The following P4HA1 variants were observed in gnomAD, a reference collection of about 807,000 sequenced individuals.
The protein encoded by P4HA1 is prolyl 4-hydroxylase subunit alpha 1.
Under a neutral mutation model 72.8 loss-of-function variants are expected in P4HA1, and 24 were observed. The ratio of observed to expected loss-of-function variants is 0.33; its 90% CI spans 0.24 to 0.46. The LOEUF is 0.46. Ranked by LOEUF, P4HA1 falls within the 20% of genes least tolerant of loss-of-function variation. The pLI is 1.00. For synonymous variants in P4HA1, 201 were observed against 218.8 expected (o/e 0.92, Z 0.72); for missense variants, 446 against 640.6 (o/e 0.70, Z 3.28).
At chr10:73,087,728 G>A (rs780676078) in intron 1 of P4HA1, among the ~76,000 whole-genome samples, 2 of 151,740 alleles carry the variant, frequency 1.3e-5, no homozygotes, top group Non-Finnish European at 2.9e-5. Context: ...GGATTTTCAA[G>A]CAATCCTCCA....
chr10:73,079,693 G>C (rs1393096457), intron 1 of P4HA1, among the ~76,000 whole-genome samples: 1 of 152,116 alleles, frequency 6.6e-6, no homozygotes, highest in African/African-American at 2.4e-5. Flanking sequence ...TGTGGGCTGA[G>C]ATCTCGCCAT....
At chr10:73,069,051 T>C (rs543015687) in intron 4 of P4HA1, 68 bp from the exon 5 acceptor site, 3 of 1,179,378 alleles carry the variant, frequency 2.5e-6, no homozygotes, top group Admixed American at 2.1e-5. Context: ...AGAGACTTAA[T>C]AAGGATTGTT....
At chr10:73,063,324 G>A (rs1841352191) in intron 5 of P4HA1, among the ~76,000 whole-genome samples, 1 of 152,160 alleles carries the variant, frequency 6.6e-6, no homozygotes, top group African/African-American at 2.4e-5. Context: ...GTCCTCACAT[G>A]GTGAAGGCTG....
At chr10:73,056,120 T>A (rs939324194) in intron 5 of P4HA1, among the ~76,000 whole-genome samples, 1 of 152,188 alleles carries the variant, frequency 6.6e-6, no homozygotes, top group East Asian at 1.9e-4. Context: ...AGTTATTTCA[T>A]TGAGATTTAG....
At chr10:73,035,029 T>G (rs556280420) in intron 9 of P4HA1, among the ~76,000 whole-genome samples, 1 of 152,216 alleles carries the variant, frequency 6.6e-6, no homozygotes, top group Non-Finnish European at 1.5e-5. Flanking sequence ...CTTCTAACCT[T>G]GGGCTATAGT....
At chr10:73,050,855 C>A (rs1384184093) in intron 7 of P4HA1, among the ~76,000 whole-genome samples, 198 bp downstream of exon 7, 1 of 152,116 alleles carries the variant, frequency 6.6e-6, no homozygotes, top group Non-Finnish European at 1.5e-5. Context: ...CAAGTGTACA[C>A]CAGCATGCCC....
chr10:73,053,414 C>T lies in P4HA1; in HGVS notation c.640G>A (p.Ala214Thr), dbSNP rs1395153810. ...TCCAGGTCTCCCTGCTGATATACCG[C>T]ATAGCTCAAATAATCTAGAACAGAG... ...KVSVLDYLSYAVYQQGDLDKA... is the reference protein window; with the variant it reads ...KVSVLDYLSYTVYQQGDLDKA... The change falls in exon 6 of 15, where the codon GCG (alanine) becomes ACG (threonine). Residue 214 changes from alanine (A) to threonine (T), a missense_variant. Ala to Thr is a moderately conservative substitution (Grantham distance 58). Coordinates refer to ENST00000394890, the MANE Select transcript of P4HA1 (RefSeq NM_001017962.3). 6.2e-7 allele frequency: 1 copy of T among 1,614,032 alleles called. No homozygotes were observed. Among genetic ancestry groups the T allele is most frequent in the South Asian group, 1.1e-5 (1 of 91,078 alleles).
intron 13 of P4HA1, 118 bp downstream of exon 13, chr10:73,010,851 A>C: frequency 1.4e-6 from 1 of 704,148 alleles, no homozygotes; most frequent in South Asian, 1.9e-5. Context: ...GAGCGAGAAC[A>C]GGTCTCAAAA....
chr10:73,049,896 G>T (rs747529884), intron 7 of P4HA1, among the ~76,000 whole-genome samples: 2 of 152,180 alleles, frequency 1.3e-5, no homozygotes, highest in Admixed American at 6.5e-5. Context: ...GAGTGTGGTG[G>T]CTGACGCCTG....
chr10:73,026,257 G>C (rs1336335759), intron 10 of P4HA1, among the ~76,000 whole-genome samples: 1 of 152,066 alleles, frequency 6.6e-6, no homozygotes, highest in Non-Finnish European at 1.5e-5. Context: ...CCAAAACAGA[G>C]ACATAGACCA....
chr10:73,087,823 G>T (rs1424526322), intron 1 of P4HA1, among the ~76,000 whole-genome samples: 4 of 151,962 alleles, frequency 2.6e-5, no homozygotes, highest in African/African-American at 9.7e-5. Flanking sequence ...TTTTTTGTCA[G>T]ATATGTGATG....
intron 2 of P4HA1, chr10:73,074,059 A>C (rs1046127804): frequency 6.0e-6 from 3 of 502,456 alleles, no homozygotes; most frequent in African/African-American, 5.8e-5. Context: ...CAAGCTTTAG[A>C]CTGTGCTAGC....
At chr10:73,023,705 T>C (rs1840191426) in intron 10 of P4HA1, among the ~76,000 whole-genome samples, 3 of 151,368 alleles carry the variant, frequency 2.0e-5, no homozygotes, top group Admixed American at 6.6e-5. Flanking sequence ...GACTGGCAAA[T>C]TGGATAAAGA....
intron 11 of P4HA1, among the ~76,000 whole-genome samples, chr10:73,015,796 T>C (rs1839997532): frequency 6.6e-6 from 1 of 152,124 alleles, no homozygotes; most frequent in Non-Finnish European, 1.5e-5. Context: ...GTTTGCCTTT[T>C]GGAACACCCT....
At chr10:73,089,019 A>G (rs1056469150) in intron 1 of P4HA1, among the ~76,000 whole-genome samples, 1 of 152,196 alleles carries the variant, frequency 6.6e-6, no homozygotes, top group African/African-American at 2.4e-5. Context: ...ATTAATTTCT[A>G]TAAGAAATCC....
rs140260893 is a variant in P4HA1 at position 73,095,505 on chromosome 10, G to T, written c.-33+1261C>A. Among the ~76,000 whole-genome samples, 4 of 146,530 alleles carry T rather than the reference G, an allele frequency of 2.7e-5. No individual in the cohort carries two copies. The East Asian group carries it at 8.0e-4, about 29-fold the overall frequency. ...CGTCTAAACCTAAAAGGGGAAATACGTTTCTAACCAGAACTTTAAAAAAAA... is the reference window on the plus strand; with the variant it reads ...CGTCTAAACCTAAAAGGGGAAATACTTTTCTAACCAGAACTTTAAAAAAAA... On this transcript the variant is annotated intron_variant, in intron 1 of 14. Coordinates refer to ENST00000394890, the MANE Select transcript of P4HA1 (RefSeq NM_001017962.3).
intron 1 of P4HA1, among the ~76,000 whole-genome samples, chr10:73,084,331 T>G (rs1841882456): frequency 6.6e-6 from 1 of 150,880 alleles, no homozygotes; most frequent in Non-Finnish European, 1.5e-5. Flanking sequence ...CTGGCTTTGT[T>G]GCCCAGTCTG....
intron 1 of P4HA1, among the ~76,000 whole-genome samples, chr10:73,081,276 A>T (rs930521933): frequency 5.9e-5 from 9 of 152,264 alleles, no homozygotes; most frequent in Non-Finnish European, 1.2e-4. Flanking sequence ...AAACCCAAGA[A>T]GAGTCAAAGA....
chr10:73,093,891 TATATATATATATATATAC>T (rs1474995936), intron 1 of P4HA1, among the ~76,000 whole-genome samples: 1,467 of 82,730 alleles, frequency 0.018, 32 homozygotes, highest in East Asian at 0.057. Context: ...TATATATATA[TATATATATATATATATAC>T]ACACACACAC....
Sources: gnomAD v4.1 joint callset for allele counts (sites outside exome capture counted in the v4.1 genomes callset) on GRCh38, gnomAD v4.1.1 for gene constraint, MANE v1.5 for transcripts, NCBI Gene and HGNC (gene_info 2026-07-23, HGNC 2026-07-21) for gene names.